Variants in PSMA4 observed in about 807,000 individuals in gnomAD.
PSMA4 encodes the protein proteasome 20S subunit alpha 4.
Under a neutral mutation model 37.2 loss-of-function variants are expected in PSMA4, and 8 were observed. That is an observed-to-expected ratio of 0.22 (90% CI 0.13 to 0.39). The LOEUF (loss-of-function observed/expected upper bound fraction) is 0.39. Among genes scored for constraint, PSMA4 ranks in the 10% least tolerant of loss-of-function variants. The pLI is 1.00. For synonymous variants in PSMA4, 93 were observed against 98.8 expected (o/e 0.94, Z 0.35); for missense variants, 169 against 305.1 (o/e 0.55, Z 3.32).
chr15:78,544,166 G>A (rs1314387809), intron 4 of PSMA4, 24 bp from the exon 5 acceptor site: 1 of 1,583,810 alleles, frequency 6.3e-7, no homozygotes, highest in African/African-American at 1.3e-5. Flanking sequence ...CCTGCTTACA[G>A]ATCAATGTCT....
At chr15:78,548,091 G>C (rs141254353) in intron 8 of PSMA4, among the ~76,000 whole-genome samples, 1 of 151,958 alleles carries the variant, frequency 6.6e-6, no homozygotes, top group Non-Finnish European at 1.5e-5. Context: ...AATTAGCCGG[G>C]CGTGGTGGTG....
At chr15:78,546,121 G>A (rs943179065) in intron 7 of PSMA4, among the ~76,000 whole-genome samples, 4 of 151,944 alleles carry the variant, frequency 2.6e-5, no homozygotes, top group African/African-American at 4.8e-5. Flanking sequence ...TTCTCACCCC[G>A]TGCCGTGTGT....
At chr15:78,543,846 G>C (rs2052500891) in intron 4 of PSMA4, 1 of 217,534 alleles carries the variant, frequency 4.6e-6, no homozygotes, top group Non-Finnish European at 9.2e-6. Context: ...TGGGATTACA[G>C]GCGTGAGCCA....
In PSMA4 at chr15:78,548,846, CAAA is replaced by C. The variant is rs775639911; in HGVS notation, c.691_693del (p.Lys231del). 6 of 1,610,490 alleles carry C rather than the reference CAAA, an allele frequency of 3.7e-6. No individual in the cohort carries two copies. Among genetic ancestry groups the C allele is most frequent in the Admixed American group, 3.4e-5 (2 of 59,594 alleles). On this transcript the variant is annotated inframe_deletion, in exon 9 of 9. Coordinates refer to ENST00000044462, the MANE Select transcript of PSMA4 (RefSeq NM_002789.6). ...AAAGACAGTAATCAGAGTTCTCAAA[CAAA>C]AAGAAGTGGAGCAGTTGATCAAAAA...
intron 4 of PSMA4, 122 bp downstream of exon 4, chr15:78,542,767 G>T (rs778338924): frequency 3.1e-6 from 3 of 966,454 alleles, no homozygotes; most frequent in Non-Finnish European, 4.5e-6. Flanking sequence ...CCTTTATTTT[G>T]CTTGAAACCT....
At chr15:78,543,210 A>G (rs11858230) in intron 4 of PSMA4, among the ~76,000 whole-genome samples, 101,564 of 152,008 alleles carry the variant, frequency 0.67, 34,652 homozygotes, top group East Asian at 0.84. Flanking sequence ...TGGAGAGCTG[A>G]CCGTGCTAAG....
rs1164063387 is a variant in PSMA4, at chr15:78,541,921, A to G, written c.-7A>G. The G allele has an allele frequency of 6.3e-7, 1 of 1,595,710 alleles. No individual in the cohort carries two copies. Among genetic ancestry groups the G allele is most frequent in the East Asian group, 2.2e-5 (1 of 44,784 alleles). On this transcript the variant is annotated 5_prime_UTR_variant, in exon 2 of 9. Transcript: ENST00000044462. ...TTTTTACAGGAACTATATAAAGTTC[A>G]GAAAACATGGTGAGTTAATACACAT...
Position 78,544,973 on chromosome 15 carries a change from G to T in PSMA4, c.376+16G>T. 1 of 1,568,470 alleles carries T rather than the reference G, an allele frequency of 6.4e-7. No homozygotes were observed. Among genetic ancestry groups the T allele is most frequent in the South Asian group, 1.2e-5 (1 of 85,714 alleles). ...CAATTTGGAGGTATTTAATTTTTTT[G>T]AAAATTTTATTCGAAAAAGTTAAGA... is the stretch of plus-strand genomic sequence containing the variant. On this transcript the variant is annotated intron_variant, in intron 6 of 8. Coordinates refer to ENST00000044462, the MANE Select transcript of PSMA4 (RefSeq NM_002789.6).
intron 7 of PSMA4, 31 bp downstream of exon 7, chr15:78,545,795 G>T (rs773363322): frequency 1.2e-6 from 2 of 1,609,442 alleles, no homozygotes; most frequent in Non-Finnish European, 1.7e-6. Flanking sequence ...ATAAAATCTA[G>T]CAGAATGTCT....
intron 8 of PSMA4, among the ~76,000 whole-genome samples, chr15:78,547,830 CTG>C (rs1462741993): frequency 6.6e-6 from 1 of 150,720 alleles, no homozygotes; most frequent in African/African-American, 2.4e-5. Context: ...GAGAGAGACT[CTG>C]TCTCAAAAAA....
intron 1 of PSMA4, chr15:78,541,421 G>C (rs2052450148): frequency 6.2e-6 from 1 of 161,782 alleles, no homozygotes; most frequent in Middle Eastern, 3.0e-3. Flanking sequence ...TACTCGCTTA[G>C]CTCTTATTTA....
At chr15:78,548,387 TTTTA>T (rs1019318643) in intron 8 of PSMA4, among the ~76,000 whole-genome samples, 3 of 152,292 alleles carry the variant, frequency 2.0e-5, no homozygotes, top group South Asian at 4.1e-4. Flanking sequence ...ATTTCATGCC[TTTTA>T]TTTATTTATT....
At chr15:78,546,844 C>T in intron 8 of PSMA4, 146 bp downstream of exon 8, 2 of 791,600 alleles carry the variant, frequency 2.5e-6, no homozygotes, top group South Asian at 1.7e-5. Context: ...CAGCTCACTG[C>T]AACCTCCGCC....
chr15:78,548,664 C>T, intron 8 of PSMA4, 126 bp from the exon 9 acceptor site: 1 of 1,278,500 alleles, frequency 7.8e-7, no homozygotes, highest in Non-Finnish European at 1.1e-6. Flanking sequence ...AAGTATAAAA[C>T]ATAGGAGAGT....
In PSMA4 at chr15:78,548,989, AAGC is replaced by A. The variant is rs750767547; in HGVS notation, c.*48_*50del. On this transcript the variant is annotated 3_prime_UTR_variant, in exon 9 of 9. Transcript: ENST00000044462. The stretch of plus-strand genomic sequence containing the variant: ...CATTTGGGGCACCATTTCAGTGTAA[AAGC>A]AGTCCTACTCTTCCACACTAGGAAG... 1.3e-6 allele frequency: 2 copies of A among 1,573,398 alleles called. No individual in the cohort carries two copies. Among genetic ancestry groups the A allele is most frequent in the Non-Finnish European group, 1.7e-6 (2 of 1,163,580 alleles).
At chr15:78,547,345 T>C (rs1336879234) in intron 8 of PSMA4, among the ~76,000 whole-genome samples, 1 of 152,230 alleles carries the variant, frequency 6.6e-6, no homozygotes, top group African/African-American at 2.4e-5. Context: ...ATGATATCTT[T>C]GCTTGTGTGT....
chr15:78,550,446 G>A lies in PSMA4; in HGVS notation c.*1502G>A, dbSNP rs2052626795. 6.6e-6 allele frequency: 1 copy of A among 152,200 alleles called. No individual in the cohort carries two copies. The highest frequency in any genetic ancestry group is 2.1e-4 in the South Asian group (1 of 4,822). The allele number at this position is 152,200 out of a possible 1,614,324, so 9.4% of individuals were successfully genotyped here. A position where few individuals can be genotyped will look rare whatever the true frequency, so the allele number is the denominator to read the frequency against. On this transcript the variant is annotated 3_prime_UTR_variant, in exon 9 of 9. Transcript: ENST00000044462. ...GGTCTTCCTGCCTTGACCTCCCAAA[G>A]TGTTGACATCACAGCCCTCTTATGC...
Position 78,550,977 on chromosome 15 carries a change from C to T in PSMA4, c.*2033C>T, listed in dbSNP as rs1045325968. The T allele has an allele frequency of 1.3e-5, 2 of 152,188 alleles. No individual in the cohort carries two copies. The highest frequency in any genetic ancestry group is 4.8e-5 in the African/African-American group (2 of 41,446). The allele number at this position is 152,188 out of a possible 1,614,324, so 9.4% of individuals were successfully genotyped here. A position where few individuals can be genotyped will look rare whatever the true frequency, so the allele number is the denominator to read the frequency against. On this transcript the variant is annotated 3_prime_UTR_variant, in exon 9 of 9. Coordinates refer to ENST00000044462, the MANE Select transcript of PSMA4 (RefSeq NM_002789.6). ...ACGTCTTCACCCTCCAGTCTTGCTA[C>T]ACCCAGAGGTTGAGGTAGTCAATAA...
intron 8 of PSMA4, among the ~76,000 whole-genome samples, chr15:78,547,373 C>T (rs4887063): frequency 0.67 from 101,263 of 152,054 alleles, 34,404 homozygotes; most frequent in East Asian, 0.83. Flanking sequence ...ATAAAGCATA[C>T]GTATGTAGTT....
Sources: gnomAD v4.1 joint callset for allele counts (sites outside exome capture counted in the v4.1 genomes callset) on GRCh38, gnomAD v4.1.1 for gene constraint, MANE v1.5 for transcripts, NCBI Gene and HGNC (gene_info 2026-07-23, HGNC 2026-07-21) for gene names.